The following WDR19 variants were observed in gnomAD, a reference collection of about 807,000 sequenced individuals.
The protein encoded by WDR19 is WD repeat-containing protein 19.
In WDR19, 121 loss-of-function variants were observed where a neutral mutation model predicts 180.0. The observed-to-expected ratio is 0.67, with a 90% CI of 0.58 to 0.78. WDR19 has a LOEUF of 0.78. Among genes scored for constraint, WDR19 ranks in the 30% least tolerant of loss-of-function variants. The pLI is 0.00. For missense variants in WDR19, 1,450 were observed against 1,640.7 expected (o/e 0.88, Z 2.01); for synonymous variants, 497 against 540.7 (o/e 0.92, Z 1.12).
chr4:39,257,403 T>A (rs1003772148), intron 27 of WDR19, 83 bp from the exon 28 acceptor site: 1 of 1,260,488 alleles, frequency 7.9e-7, no homozygotes, highest in Non-Finnish European at 1.1e-6. Flanking sequence ...GTAATTACTT[T>A]GTGTTAAAGC....
intron 24 of WDR19, among the ~76,000 whole-genome samples, chr4:39,252,656 G>A (rs1348744181): frequency 6.6e-6 from 1 of 151,984 alleles, no homozygotes; most frequent in Non-Finnish European, 1.5e-5. Flanking sequence ...GTAACCTTAG[G>A]AAATAGAGAT....
chr4:39,267,903 G>A, intron 29 of WDR19, 92 bp from the exon 30 acceptor site: 1 of 1,110,022 alleles, frequency 9.0e-7, no homozygotes, highest in Non-Finnish European at 1.3e-6. Context: ...TCAGTTACTG[G>A]CAGATGAATG....
At chr4:39,187,226 C>T (rs921478591) in intron 3 of WDR19, among the ~76,000 whole-genome samples, 4 of 151,964 alleles carry the variant, frequency 2.6e-5, no homozygotes, top group African/African-American at 9.7e-5. Context: ...GGAGACCATC[C>T]TGGCTAACAC....
chr4:39,280,511 C>G (rs1387896533), intron 36 of WDR19, among the ~76,000 whole-genome samples: 1 of 150,690 alleles, frequency 6.6e-6, no homozygotes, highest in Non-Finnish European at 1.5e-5. Context: ...AATAATTAGC[C>G]AGGTATGGTG....
chr4:39,192,901 G>A (rs78357134), intron 4 of WDR19, among the ~76,000 whole-genome samples: 5,828 of 152,238 alleles, frequency 0.038, 162 homozygotes, highest in Middle Eastern at 0.058. Flanking sequence ...CATTGTCTGG[G>A]AACAGCCCAT....
chr4:39,216,440 G>A (rs1393840560), intron 12 of WDR19, among the ~76,000 whole-genome samples: 1 of 152,232 alleles, frequency 6.6e-6, no homozygotes, highest in Admixed American at 6.5e-5. Flanking sequence ...TAGAATGTGA[G>A]CTTCAGAATT....
At chr4:39,253,479 T>C (rs1198043636) in intron 25 of WDR19, among the ~76,000 whole-genome samples, 187 bp downstream of exon 25, 1 of 152,070 alleles carries the variant, frequency 6.6e-6, no homozygotes, top group East Asian at 1.9e-4. Flanking sequence ...AGTGTAAGCA[T>C]ATAATATAGA....
chr4:39,277,238 A>G lies in WDR19; in HGVS notation c.3840+95A>G, dbSNP rs1735990819. The G allele has an allele frequency of 3.0e-6, 4 of 1,345,128 alleles. No homozygotes were observed. The East Asian group carries it at 1.0e-4, about 35-fold the overall frequency. 83.3% of individuals were successfully genotyped at this position (1,345,128 alleles called of 1,614,324 possible). ...TGTCAATATTTTCTTCACTTTTAAA[A>G]TAATCTTATCCCTCAAATTTCCTGC... is the stretch of plus-strand genomic sequence containing the variant. On this transcript the variant is annotated intron_variant, in intron 34 of 36. Transcript: ENST00000399820.
At chr4:39,206,262 G>A (rs1727942427) in intron 9 of WDR19, 1 of 152,344 alleles carries the variant, frequency 6.6e-6, no homozygotes, top group Non-Finnish European at 1.5e-5. Context: ...AAAGGCAGTT[G>A]GGGAAATCCC....
intron 21 of WDR19, among the ~76,000 whole-genome samples, chr4:39,242,109 C>T (rs1344676658): frequency 6.6e-6 from 1 of 151,918 alleles, no homozygotes; most frequent in East Asian, 1.9e-4. Context: ...TTCTGTTGCC[C>T]ACACTGGGGT....
At chr4:39,241,436 G>A (rs1731929331) in intron 21 of WDR19, among the ~76,000 whole-genome samples, 1 of 149,886 alleles carries the variant, frequency 6.7e-6, no homozygotes. Context: ...GGAGGTTGCA[G>A]TGAGCTGAGA....
chr4:39,205,837 C>A, intron 9 of WDR19, 101 bp downstream of exon 9: 1 of 1,114,782 alleles, frequency 9.0e-7, no homozygotes, highest in Non-Finnish European at 1.2e-6. Context: ...ATCATGTTTA[C>A]AATTTAAAAC....
chr4:39,225,251 A>G (rs1429200952), intron 15 of WDR19, among the ~76,000 whole-genome samples: 1 of 152,180 alleles, frequency 6.6e-6, no homozygotes, highest in Non-Finnish European at 1.5e-5. Context: ...TCCCAGAAAG[A>G]TTTTTAATGG....
chr4:39,270,667 C>T (rs1312308992), intron 31 of WDR19, among the ~76,000 whole-genome samples: 2 of 151,482 alleles, frequency 1.3e-5, no homozygotes, highest in Admixed American at 6.6e-5. Flanking sequence ...CATGAGCCAC[C>T]ACGCTCAGCT....
rs756503439 is a variant in WDR19, at chr4:39,234,886, G to C, written c.2363+11G>C. ...TCAGCTTGAATTCGCGTAAGTCTTTGTTTTTATACATTTCAGTCAGTAGCT... is the reference window on the plus strand; with the variant it reads ...TCAGCTTGAATTCGCGTAAGTCTTTCTTTTTATACATTTCAGTCAGTAGCT... On this transcript the variant is annotated intron_variant, in intron 20 of 36. Coordinates refer to ENST00000399820, the MANE Select transcript of WDR19 (RefSeq NM_025132.4). The C allele has an allele frequency of 1.7e-5, 26 of 1,525,866 alleles. No homozygotes were observed. Among genetic ancestry groups the C allele is most frequent in the Admixed American group, 3.9e-5 (2 of 51,054 alleles). The allele number at this position is 1,525,866 out of a possible 1,614,324, so 94.5% of individuals were successfully genotyped here. A position where few individuals can be genotyped will look rare whatever the true frequency, so the allele number is the denominator to read the frequency against.
At chr4:39,212,636 TAAAC>T (rs917039389) in intron 9 of WDR19, among the ~76,000 whole-genome samples, 6 of 151,812 alleles carry the variant, frequency 4.0e-5, no homozygotes, top group East Asian at 1.9e-4. Context: ...TGAAAATAAA[TAAAC>T]AAATAAATAA....
intron 24 of WDR19, among the ~76,000 whole-genome samples, chr4:39,249,101 A>T: frequency 6.6e-6 from 1 of 152,040 alleles, no homozygotes; most frequent in Admixed American, 6.6e-5. Context: ...GAAGTAAAGC[A>T]CTCCTCAGCA....
intron 36 of WDR19, among the ~76,000 whole-genome samples, chr4:39,281,872 G>T (rs962075579): frequency 2.0e-5 from 3 of 152,100 alleles, no homozygotes; most frequent in Non-Finnish European, 4.4e-5. Flanking sequence ...TTGGCGGGGG[G>T]AGGATTCTGA....
At chr4:39,236,275 A>G (rs35584506) in intron 20 of WDR19, among the ~76,000 whole-genome samples, 1 of 152,138 alleles carries the variant, frequency 6.6e-6, no homozygotes, top group African/African-American at 2.4e-5. Context: ...AAAATGTGGT[A>G]TACACACACA....
Sources: allele counts gnomAD v4.1 joint callset (sites outside exome capture counted in the v4.1 genomes callset), GRCh38; gene constraint gnomAD v4.1.1; transcripts MANE v1.5; gene names NCBI Gene and HGNC (gene_info 2026-07-23, HGNC 2026-07-21).